Variants in MYCBPAP observed in about 807,000 individuals in gnomAD.
The protein encoded by MYCBPAP is MYCBP-associated protein.
MYCBPAP carries 60 observed loss-of-function variants against 106.1 expected under a neutral mutation model. The observed-to-expected ratio is 0.57, with a 90% confidence interval of 0.46 to 0.70. The LOEUF (loss-of-function observed/expected upper bound fraction) is 0.70. Among genes scored for constraint, MYCBPAP ranks in the 30% least tolerant of loss-of-function variants. The pLI, the probability that MYCBPAP is intolerant of heterozygous loss-of-function variation, is 0.00. For synonymous variants in MYCBPAP, 407 were observed against 440.6 expected (o/e 0.92, Z 0.95); for missense variants, 1,064 against 1,169.3 (o/e 0.91, Z 1.31).
chr17:50,519,126 G>C, intron 6 of MYCBPAP, 37 bp downstream of exon 6: 1 of 1,459,472 alleles, frequency 6.9e-7, no homozygotes, highest in Non-Finnish European at 9.5e-7. Context: ...GGGGCAGGGG[G>C]GTCCATGGAG....
At chr17:50,516,945 G>A (rs1426729119) in intron 2 of MYCBPAP, among the ~76,000 whole-genome samples, 1 of 152,114 alleles carries the variant, frequency 6.6e-6, no homozygotes, top group Non-Finnish European at 1.5e-5. Flanking sequence ...TCCCATAGAG[G>A]TAGGTGCCAT....
intron 9 of MYCBPAP, 91 bp downstream of exon 9, chr17:50,521,522 G>C: frequency 1.0e-6 from 1 of 982,876 alleles, no homozygotes; most frequent in Non-Finnish European, 1.6e-6. Flanking sequence ...CTGAGATCAG[G>C]GTGCCTCTAG....
intron 1 of MYCBPAP, among the ~76,000 whole-genome samples, chr17:50,512,388 C>T (rs972036675): frequency 5.3e-5 from 8 of 152,278 alleles, no homozygotes; most frequent in African/African-American, 1.9e-4. Flanking sequence ...GTGCCACTCA[C>T]GTGCCATGCT....
intron 1 of MYCBPAP, among the ~76,000 whole-genome samples, chr17:50,512,831 T>C (rs966736170): frequency 9.2e-5 from 14 of 152,140 alleles, no homozygotes; most frequent in African/African-American, 3.4e-4. Flanking sequence ...CCCAGCACTT[T>C]GGGAGGCCGA....
intron 1 of MYCBPAP, chr17:50,514,840 T>A (rs1719334709): frequency 2.5e-6 from 1 of 401,112 alleles, no homozygotes; most frequent in African/African-American, 2.1e-5. Flanking sequence ...TGATTTTTTT[T>A]ATAGAGCCCA....
At chr17:50,528,318 T>G in intron 16 of MYCBPAP, 48 bp downstream of exon 16, 1 of 1,448,570 alleles carries the variant, frequency 6.9e-7, no homozygotes, top group Non-Finnish European at 9.6e-7. Flanking sequence ...CCTCCTCATC[T>G]CTCTGAATGG....
chr17:50,511,514 A>G (rs1357636723), intron 1 of MYCBPAP, among the ~76,000 whole-genome samples: 3 of 152,208 alleles, frequency 2.0e-5, no homozygotes, highest in Non-Finnish European at 4.4e-5. Flanking sequence ...ATAAAACAAG[A>G]AGCAGAAGAA....
intron 6 of MYCBPAP, chr17:50,519,290 C>T: frequency 1.7e-6 from 1 of 593,394 alleles, no homozygotes; most frequent in Non-Finnish European, 3.0e-6. Context: ...CCTGTGGTGA[C>T]CACACAGGTA....
At chr17:50,526,896 G>A (rs2034481800) in intron 14 of MYCBPAP, among the ~76,000 whole-genome samples, 1 of 152,072 alleles carries the variant, frequency 6.6e-6, no homozygotes, top group South Asian at 2.1e-4. Flanking sequence ...TGTATTTTTA[G>A]TAGAGACGGG....
At chr17:50,510,489 GTGTGTGTGTGTATA>G (rs954226589) in intron 1 of MYCBPAP, 1 of 107,162 alleles carries the variant, frequency 9.3e-6, no homozygotes, top group African/African-American at 3.9e-5. Context: ...GTGTGTGTGT[GTGTGTGTGTGTATA>G]TATATATATA....
intron 6 of MYCBPAP, 166 bp from the exon 7 acceptor site, chr17:50,519,474 G>A (rs1411728034): frequency 1.2e-6 from 1 of 808,040 alleles, no homozygotes; most frequent in East Asian, 2.7e-5. Flanking sequence ...ACAACAGGGT[G>A]TCCAGAAAAC....
chr17:50,526,091 C>A lies in MYCBPAP; in HGVS notation c.1993C>A (p.Leu665Ile), dbSNP rs1382340854. The change falls in exon 14 of 19, where the codon CTC becomes ATC. Residue 665 changes from leucine to isoleucine, a missense_variant. Transcript: ENST00000323776. Reference sequence around the variant, plus strand: ...AGTGCCCCGGCCTGAGAACGAGGCCCTCAGGGAATCCGGGTCCCAGAAGGC... The same window carrying A: ...AGTGCCCCGGCCTGAGAACGAGGCCATCAGGGAATCCGGGTCCCAGAAGGC... ...TQVPRPENEA[L>I]RESGSQKARV... 6.2e-7 allele frequency: 1 copy of A among 1,613,926 alleles called. No homozygotes were observed. Among genetic ancestry groups the A allele is most frequent in the Admixed American group, 1.7e-5 (1 of 60,018 alleles).
chr17:50,529,556 G>A, intron 18 of MYCBPAP: 1 of 378,638 alleles, frequency 2.6e-6, no homozygotes, highest in Non-Finnish European at 5.2e-6. Flanking sequence ...GGCAGTAGTG[G>A]GGAGCAGGTC....
At chr17:50,513,943 T>G (rs1435027151) in intron 1 of MYCBPAP, among the ~76,000 whole-genome samples, 4 of 152,322 alleles carry the variant, frequency 2.6e-5, no homozygotes, top group South Asian at 2.1e-4. Context: ...GCATGTGTGT[T>G]TGTGTGCACA....
rs1437975368 is a variant in MYCBPAP at position 50,528,136 on chromosome 17, A to C, written c.2292-19A>C. On this transcript the variant is annotated intron_variant, in intron 15 of 18. Coordinates refer to ENST00000323776, the MANE Select transcript of MYCBPAP (RefSeq NM_032133.6). Reference sequence around the variant, plus strand: ...AAATGAGGAGTGATGGCATTTCTCCACTGTGTCTTGCCCTCTAGTTTGCAG... The same window carrying C: ...AAATGAGGAGTGATGGCATTTCTCCCCTGTGTCTTGCCCTCTAGTTTGCAG... The C allele has an allele frequency of 1.2e-6, 2 of 1,606,444 alleles. No individual in the cohort carries two copies. The highest frequency in any genetic ancestry group is 4.5e-5 in the East Asian group (2 of 44,842).
At chr17:50,524,231 G>A (rs961926109) in intron 12 of MYCBPAP, among the ~76,000 whole-genome samples, 9 of 152,266 alleles carry the variant, frequency 5.9e-5, no homozygotes, top group South Asian at 2.1e-4. Context: ...CTGACAACTC[G>A]AGTGAGTGTG....
At chr17:50,529,269 C>G (rs747114984) in intron 18 of MYCBPAP, 81 bp downstream of exon 18, 4 of 1,342,838 alleles carry the variant, frequency 3.0e-6, no homozygotes. Flanking sequence ...CAATAAGTGC[C>G]CACTCCATCA....
intron 10 of MYCBPAP, 121 bp from the exon 11 acceptor site, chr17:50,522,818 G>A (rs1295238806): frequency 1.1e-6 from 1 of 921,970 alleles, no homozygotes; most frequent in African/African-American, 1.7e-5. Context: ...GCCAAGCCCT[G>A]GAGGCCTGGG....
intron 2 of MYCBPAP, among the ~76,000 whole-genome samples, 166 bp downstream of exon 2, chr17:50,516,863 G>A (rs569646084): frequency 5.9e-5 from 9 of 152,326 alleles, no homozygotes; most frequent in African/African-American, 1.9e-4. Context: ...GGAATTCACT[G>A]TGTTGTCTGT....
Sources: gnomAD v4.1 joint callset for allele counts (sites outside exome capture counted in the v4.1 genomes callset) on GRCh38, gnomAD v4.1.1 for gene constraint, MANE v1.5 for transcripts, NCBI Gene and HGNC (gene_info 2026-07-23, HGNC 2026-07-21) for gene names.